The following PSD3 variants were observed in gnomAD, a reference collection of about 807,000 sequenced individuals.
PSD3 encodes pleckstrin and Sec7 domain containing 3.
In PSD3, 49 loss-of-function variants were observed where a neutral mutation model predicts 105.5. The observed-to-expected ratio is 0.46, with a 90% CI of 0.37 to 0.59. The LOEUF is 0.59. Ranked by LOEUF, PSD3 falls within the 20% of genes least tolerant of loss-of-function variation. PSD3 has a pLI of 0.00. For missense variants in PSD3, 1,561 were observed against 1,263.8 expected (o/e 1.24, Z -3.57); for synonymous variants, 557 against 457.8 (o/e 1.22, Z -2.77).
At chr8:18,884,057 T>A (rs1388946147) in intron 2 of PSD3, among the ~76,000 whole-genome samples, 5 of 152,142 alleles carry the variant, frequency 3.3e-5, no homozygotes, top group African/African-American at 1.2e-4. Flanking sequence ...TTCCCCTCAC[T>A]TGTCAGAAAG....
intron 11 of PSD3, among the ~76,000 whole-genome samples, chr8:18,625,078 T>C (rs73213627): frequency 0.055 from 8,333 of 152,074 alleles, 283 homozygotes; most frequent in African/African-American, 0.088. Context: ...CCAAAAGTCA[T>C]GAAGTTACTG....
At chr8:18,722,294 A>G (rs1803036935) in intron 9 of PSD3, among the ~76,000 whole-genome samples, 1 of 152,184 alleles carries the variant, frequency 6.6e-6, no homozygotes, top group South Asian at 2.1e-4. Context: ...TTTTTAAAGC[A>G]GCAGCACTCA....
At position 18,892,765 on chromosome 8, in the gene PSD3, C is replaced by T. The variant is rs1011801287; in HGVS notation, c.131-20032G>A. On this transcript the variant is annotated intron_variant, in intron 2 of 15. Coordinates refer to ENST00000327040, the MANE Select transcript of PSD3 (RefSeq NM_015310.4). Reference sequence around the variant, plus strand: ...TCAGCCTCCCAAGTAGCTGGGATTACAGGCATATACCACCACGTATGGCTA... The same window carrying T: ...TCAGCCTCCCAAGTAGCTGGGATTATAGGCATATACCACCACGTATGGCTA... Among the ~76,000 whole-genome samples, 3 of 151,798 alleles carry T rather than the reference C, an allele frequency of 2.0e-5. No homozygotes were observed. In the East Asian group the frequency reaches 5.8e-4, roughly 29 times the overall value.
intron 1 of PSD3, among the ~76,000 whole-genome samples, chr8:19,009,092 G>A (rs375152728): frequency 2.0e-5 from 3 of 152,062 alleles, no homozygotes; most frequent in South Asian, 2.1e-4. Flanking sequence ...ACATAACTAC[G>A]TGGAACTCCT....
At chr8:18,860,667 GTC>G (rs1305044439) in intron 4 of PSD3, among the ~76,000 whole-genome samples, 1 of 152,138 alleles carries the variant, frequency 6.6e-6, no homozygotes, top group Non-Finnish European at 1.5e-5. Context: ...GAAAGTTGGT[GTC>G]TTTTTTCCTC....
intron 11 of PSD3, among the ~76,000 whole-genome samples, chr8:18,601,099 C>T (rs111705184): frequency 1.3e-5 from 2 of 152,102 alleles, no homozygotes; most frequent in Non-Finnish European, 2.9e-5. Context: ...GAGTATACTG[C>T]AAGACAGACA....
chr8:18,655,731 C>G, intron 9 of PSD3, 46 bp from the exon 10 acceptor site: 3 of 1,571,186 alleles, frequency 1.9e-6, no homozygotes, highest in Non-Finnish European at 2.6e-6. Flanking sequence ...CCATTCTGTT[C>G]CACATTTTGA....
At chr8:18,682,546 T>C (rs1800446967) in intron 9 of PSD3, among the ~76,000 whole-genome samples, 1 of 152,110 alleles carries the variant, frequency 6.6e-6, no homozygotes, top group African/African-American at 2.4e-5. Context: ...GATAAAGCTT[T>C]TTAAAAAAAC....
chr8:18,986,215 T>G (rs1006658177), intron 1 of PSD3, among the ~76,000 whole-genome samples: 7 of 152,182 alleles, frequency 4.6e-5, no homozygotes, highest in Non-Finnish European at 1.0e-4. Context: ...CTGGAGAAAC[T>G]GCATTAATGA....
Position 18,786,191 on chromosome 8 carries a change from G to A in PSD3, c.2082+13104C>T, listed in dbSNP as rs28521564. Among the ~76,000 whole-genome samples, 397 of 152,220 alleles carry A rather than the reference G, an allele frequency of 2.6e-3. 1 individual carries two copies. The highest frequency in any genetic ancestry group is 8.8e-3 in the African/African-American group (365 of 41,546). On this transcript the variant is annotated intron_variant, in intron 8 of 15. Transcript: ENST00000327040. Reference sequence around the variant, plus strand: ...TGCACTCCAGCCTGGGTGACACAGCGAGACTCCGTTTCAAACAAAAAGTTT... The same window carrying A: ...TGCACTCCAGCCTGGGTGACACAGCAAGACTCCGTTTCAAACAAAAAGTTT...
At chr8:18,742,064 G>C (rs1804620933) in intron 9 of PSD3, among the ~76,000 whole-genome samples, 1 of 152,062 alleles carries the variant, frequency 6.6e-6, no homozygotes, top group Non-Finnish European at 1.5e-5. Context: ...TTTTATCCTT[G>C]GAAAGCTTTG....
At chr8:18,882,212 A>G (rs1377058118) in intron 2 of PSD3, among the ~76,000 whole-genome samples, 1 of 151,690 alleles carries the variant, frequency 6.6e-6, no homozygotes, top group Non-Finnish European at 1.5e-5. Flanking sequence ...TGTCTCAACA[A>G]ACAAACAAAC....
chr8:18,879,569 G>A (rs1817981840), intron 2 of PSD3, among the ~76,000 whole-genome samples: 1 of 152,082 alleles, frequency 6.6e-6, no homozygotes, highest in African/African-American at 2.4e-5. Flanking sequence ...ACTGAACCGT[G>A]AGAGATCATC....
intron 13 of PSD3, among the ~76,000 whole-genome samples, chr8:18,574,614 C>CA (rs1802360806): frequency 6.6e-6 from 1 of 151,994 alleles, no homozygotes; most frequent in African/African-American, 2.4e-5. Context: ...AGAAGGGAAA[C>CA]AAAAAAATAA....
intron 1 of PSD3, among the ~76,000 whole-genome samples, chr8:18,970,627 C>T (rs1036343423): frequency 2.0e-5 from 3 of 152,036 alleles, no homozygotes; most frequent in Non-Finnish European, 4.4e-5. Context: ...AACATTTAGT[C>T]TTTCCTAGAA....
intron 4 of PSD3, among the ~76,000 whole-genome samples, chr8:18,812,342 G>A (rs536842557): frequency 9.2e-5 from 14 of 152,282 alleles, no homozygotes; most frequent in African/African-American, 3.4e-4. Context: ...TAAAGGCCTT[G>A]GGGGCCACTA....
At chr8:18,586,880 G>A (rs1444980069) in intron 12 of PSD3, among the ~76,000 whole-genome samples, 2 of 152,166 alleles carry the variant, frequency 1.3e-5, no homozygotes, top group Non-Finnish European at 2.9e-5. Context: ...GAAAGGTGTG[G>A]AGAAAGAGAG....
intron 1 of PSD3, among the ~76,000 whole-genome samples, chr8:19,072,126 G>T (rs4921985): frequency 6.7e-6 from 1 of 149,152 alleles, no homozygotes; most frequent in South Asian, 2.1e-4. Context: ...TTTTGTGACG[G>T]AGTCTCCCTC....
chr8:18,859,528 C>A (rs1816275568), intron 4 of PSD3, among the ~76,000 whole-genome samples: 1 of 152,222 alleles, frequency 6.6e-6, no homozygotes, highest in African/African-American at 2.4e-5. Flanking sequence ...TAGACAGCAT[C>A]TTTTTCCAAT....
Sources: allele counts gnomAD v4.1 joint callset (sites outside exome capture counted in the v4.1 genomes callset), GRCh38; gene constraint gnomAD v4.1.1; transcripts MANE v1.5; gene names NCBI Gene and HGNC (gene_info 2026-07-23, HGNC 2026-07-21).